Variants in C8orf74 observed in about 807,000 individuals in gnomAD.
C8orf74 encodes uncharacterized protein C8orf74.
A neutral mutation model predicts 22.2 loss-of-function variants in C8orf74; 29 were observed. The ratio of observed to expected loss-of-function variants is 1.31; its 90% CI spans 0.97 to 1.78. C8orf74 has a LOEUF of 1.78. C8orf74 is among the 40% of genes most tolerant of loss of function. The pLI, the probability that C8orf74 is intolerant of heterozygous loss-of-function variation, is 0.00. For synonymous variants in C8orf74, 255 were observed against 163.1 expected, an observed-to-expected ratio of 1.56 and a Z score of -4.30; for missense variants, 515 against 369.9, an observed-to-expected ratio of 1.39 and a Z score of -3.22.
At chr8:10,690,460 G>A (rs1164553310) in intron 2 of C8orf74, among the ~76,000 whole-genome samples, 1 of 152,180 alleles carries the variant, frequency 6.6e-6, no homozygotes, top group Non-Finnish European at 1.5e-5. Flanking sequence ...GAGATGCTGG[G>A]CCCTTGCTTT....
chr8:10,690,445 G>T lies in C8orf74; in HGVS notation c.242-7154G>T, dbSNP rs1295267467. ...CGTGCGGGGGATGAAGGATGCTGTTGGGTGGAGATGCTGGGCCCTTGCTTT... is the reference window on the plus strand; with the variant it reads ...CGTGCGGGGGATGAAGGATGCTGTTTGGTGGAGATGCTGGGCCCTTGCTTT... On this transcript the variant is annotated intron_variant, in intron 2 of 3. Coordinates refer to ENST00000304519, the MANE Select transcript of C8orf74 (RefSeq NM_001040032.2). Among the ~76,000 whole-genome samples, 5 of 152,170 alleles carry T rather than the reference G, an allele frequency of 3.3e-5. No individual in the cohort carries two copies. The East Asian group carries it at 9.7e-4, about 29-fold the overall frequency.
chr8:10,686,018 G>A (rs960133568), intron 2 of C8orf74, among the ~76,000 whole-genome samples: 9 of 152,302 alleles, frequency 5.9e-5, no homozygotes, highest in Non-Finnish European at 8.8e-5. Context: ...GCAGTGAGCC[G>A]AGATTGCACC....
At chr8:10,678,250 A>C (rs1050349740) in intron 2 of C8orf74, among the ~76,000 whole-genome samples, 1 of 152,186 alleles carries the variant, frequency 6.6e-6, no homozygotes, top group Non-Finnish European at 1.5e-5. Context: ...CTGTGGACAC[A>C]TCTAGAAAAA....
chr8:10,675,241 C>T (rs948315585), intron 2 of C8orf74, among the ~76,000 whole-genome samples: 3 of 152,168 alleles, frequency 2.0e-5, no homozygotes, highest in African/African-American at 7.2e-5. Flanking sequence ...CCGGGGGAGT[C>T]CTGGAGCTTG....
rs376552859 is a variant in C8orf74, at chr8:10,700,369, C to T, written c.783C>T (p.Ala261=). The T allele has an allele frequency of 1.4e-5, 23 of 1,608,964 alleles. No homozygotes were observed. In the African/African-American group the frequency reaches 3.1e-4, roughly 22 times the overall value. ...AGAAGAAGACTCTGAACCTCAACGC[C>T]CCCACCCCTATCCCGCCCCCCATCA... is the stretch of plus-strand genomic sequence containing the variant. ...KLQKKTLNLN[A]PTPIPPPITS... Residue 261 remains alanine, a synonymous_variant, in exon 4 of 4, where the codon GCC becomes GCT. Coordinates refer to ENST00000304519, the MANE Select transcript of C8orf74 (RefSeq NM_001040032.2).
chr8:10,695,502 T>C (rs1163311269), intron 2 of C8orf74, among the ~76,000 whole-genome samples: 1 of 152,166 alleles, frequency 6.6e-6, no homozygotes, highest in Non-Finnish European at 1.5e-5. Flanking sequence ...CATCCTAACA[T>C]GGCTCCAAGT....
At chr8:10,680,924 G>T (rs1158806858) in intron 2 of C8orf74, among the ~76,000 whole-genome samples, 1 of 152,084 alleles carries the variant, frequency 6.6e-6, no homozygotes, top group Non-Finnish European at 1.5e-5. Flanking sequence ...AGGAGCGGGG[G>T]TCCTCTGTCT....
intron 1 of C8orf74, among the ~76,000 whole-genome samples, chr8:10,674,219 C>G (rs1163114517): frequency 2.1e-5 from 3 of 140,994 alleles, no homozygotes; most frequent in African/African-American, 8.1e-5. Flanking sequence ...TCATATCATG[C>G]CCCACAACCC....
intron 2 of C8orf74, among the ~76,000 whole-genome samples, chr8:10,680,572 T>C (rs1799127924): frequency 6.6e-6 from 1 of 152,214 alleles, no homozygotes; most frequent in Non-Finnish European, 1.5e-5. Context: ...GCTCACTGTC[T>C]ACACCCTTTC....
At chr8:10,680,289 T>C (rs538547661) in intron 2 of C8orf74, among the ~76,000 whole-genome samples, 1 of 152,330 alleles carries the variant, frequency 6.6e-6, no homozygotes, top group East Asian at 1.9e-4. Flanking sequence ...TAGTTTCCTC[T>C]CTGTGCCTCC....
intron 2 of C8orf74, among the ~76,000 whole-genome samples, chr8:10,693,438 A>G (rs749422072): frequency 6.6e-6 from 1 of 152,166 alleles, no homozygotes; most frequent in Non-Finnish European, 1.5e-5. Flanking sequence ...ACCTCCCTGG[A>G]ACCTGGAAGA....
At chr8:10,688,560 G>A (rs753465865) in intron 2 of C8orf74, 9 of 152,494 alleles carry the variant, frequency 5.9e-5, no homozygotes, top group East Asian at 3.9e-4. Flanking sequence ...TTCCCTAGGC[G>A]CAATGGTGGC....
intron 2 of C8orf74, chr8:10,687,225 T>C (rs910675072): frequency 4.9e-6 from 2 of 411,098 alleles, no homozygotes; most frequent in African/African-American, 4.1e-5. Flanking sequence ...ATGCATGCTG[T>C]CGCCTAATCT....
intron 2 of C8orf74, chr8:10,691,598 G>A (rs2129058224): frequency 6.5e-6 from 1 of 152,748 alleles, no homozygotes; most frequent in South Asian, 2.1e-4. Context: ...CCAGCTTGCT[G>A]ATCAAAAATG....
Position 10,700,264 on chromosome 8 carries a change from C to G in C8orf74, c.678C>G (p.Val226=). Residue 226 remains valine (V), a synonymous_variant, in exon 4 of 4, where the codon GTC becomes GTG. Transcript: ENST00000304519. ...QELESLICQA[V]HTQMELLQEL... ...TGGAGAGCCTCATCTGCCAGGCAGTCCACACCCAGATGGAGCTCCTGCAGG... is the reference window on the plus strand; with the variant it reads ...TGGAGAGCCTCATCTGCCAGGCAGTGCACACCCAGATGGAGCTCCTGCAGG... The G allele has an allele frequency of 6.2e-7, 1 of 1,611,412 alleles. No homozygotes were observed. The highest frequency in any genetic ancestry group is 8.5e-7 in the Non-Finnish European group (1 of 1,177,896).
chr8:10,680,160 C>T (rs992138809), intron 2 of C8orf74, among the ~76,000 whole-genome samples: 2 of 152,186 alleles, frequency 1.3e-5, no homozygotes, highest in South Asian at 2.1e-4. Flanking sequence ...GCCCCAGTGA[C>T]GCTCCTTCCA....
chr8:10,694,085 G>A (rs1034620598), intron 2 of C8orf74, among the ~76,000 whole-genome samples: 4 of 152,122 alleles, frequency 2.6e-5, no homozygotes, highest in South Asian at 4.1e-4. Flanking sequence ...CTCACACATC[G>A]CCTTCTCTAA....
In C8orf74 at chr8:10,674,717, G is replaced by A; in HGVS notation, c.120G>A (p.Arg40=). ...WEEFDEQRDS[R]RSILLDTLYE... ...AGTTTGACGAACAGAGAGACTCCCG[G>A]AGGAGCATCCTGCTGGACACCCTCT... Residue 40 remains arginine, a synonymous_variant, in exon 2 of 4, where the codon CGG becomes CGA. Transcript: ENST00000304519. 6.2e-7 allele frequency: 1 copy of A among 1,609,100 alleles called. No homozygotes were observed. Among genetic ancestry groups the A allele is most frequent in the Non-Finnish European group, 8.5e-7 (1 of 1,177,786 alleles).
chr8:10,692,720 T>A (rs1799407771), intron 2 of C8orf74: 1 of 151,806 alleles, frequency 6.6e-6, no homozygotes, highest in South Asian at 2.1e-4. Context: ...CCCAGGCTGG[T>A]CTTGAACTCC....
Sources: allele counts gnomAD v4.1 joint callset (sites outside exome capture counted in the v4.1 genomes callset), GRCh38; gene constraint gnomAD v4.1.1; transcripts MANE v1.5; gene names NCBI Gene and HGNC (gene_info 2026-07-23, HGNC 2026-07-21).